The following TRMT1 variants were observed in gnomAD, a reference collection of about 807,000 sequenced individuals.
The protein encoded by TRMT1 is tRNA methyltransferase 1.
In TRMT1, 63 loss-of-function variants were observed where a neutral mutation model predicts 75.4. The ratio of observed to expected loss-of-function variants is 0.84; its 90% CI spans 0.68 to 1.03. TRMT1 has a LOEUF of 1.03. Among genes scored for constraint, TRMT1 ranks in the 50% least tolerant of loss-of-function variants. The pLI, the probability that TRMT1 is intolerant of heterozygous loss-of-function variation, is 0.00. For missense variants in TRMT1, 870 were observed against 905.3 expected, an observed-to-expected ratio of 0.96 and a Z score of 0.50; for synonymous variants, 382 against 358.1, an observed-to-expected ratio of 1.07 and a Z score of -0.75.
At position 13,109,925 on chromosome 19, in the gene TRMT1, G is replaced by A. The variant is rs1282838955; in HGVS notation, c.1096C>T (p.Pro366Ser). The A allele has an allele frequency of 1.2e-6, 2 of 1,614,026 alleles. No homozygotes were observed. The highest frequency in any genetic ancestry group is 1.7e-6 in the Non-Finnish European group (2 of 1,180,000). The change falls in exon 9 of 17, where the codon CCC (proline) becomes TCC (serine). Residue 366 changes from proline to serine, a missense_variant. Physicochemically the swap from Pro to Ser is moderately conservative, Grantham distance 74 (BLOSUM62 -1). Coordinates refer to ENST00000357720, the MANE Select transcript of TRMT1 (RefSeq NM_001136035.4). ...LQRLGKASGV[P>S]SGRAKFSAAC... ...TTCCTCCCTGCTCACCGGCCGCTGGGGACTCCTGACGCTTTGCCGAGACGC... is the reference window on the plus strand; with the variant it reads ...TTCCTCCCTGCTCACCGGCCGCTGGAGACTCCTGACGCTTTGCCGAGACGC...
In TRMT1 at chr19:13,104,973, G is replaced by A. The variant is rs144546583; in HGVS notation, c.1942C>T (p.Pro648Ser). 9 of 1,613,856 alleles carry A rather than the reference G, an allele frequency of 5.6e-6. No homozygotes were observed. The highest frequency in any genetic ancestry group is 1.7e-5 in the Admixed American group (1 of 60,024). ...GGCCCAGCGGCAGCCCCAGGTCCAG[G>A]GGGGGTCTGGTTGGAGGTCTCTGGA... Reference protein sequence around the residue: ...DCPETSNQTPPGPGAAAGPGI... With the variant: ...DCPETSNQTPSGPGAAAGPGI... Residue 648 changes from proline to serine, a missense_variant, in exon 17 of 17, where the codon CCT becomes TCT. Coordinates refer to ENST00000357720, the MANE Select transcript of TRMT1 (RefSeq NM_001136035.4).
intron 7 of TRMT1, among the ~76,000 whole-genome samples, chr19:13,110,850 C>T (rs1022155632): frequency 3.3e-5 from 5 of 151,908 alleles, no homozygotes; most frequent in South Asian, 2.1e-4. Context: ...CTAGGGAGGC[C>T]GAGGCAGGAG....
At chr19:13,113,183 G>T (rs1184262453) in intron 5 of TRMT1, among the ~76,000 whole-genome samples, 172 bp from the exon 6 acceptor site, 2 of 151,896 alleles carry the variant, frequency 1.3e-5, no homozygotes, top group African/African-American at 4.8e-5. Context: ...TTTTTGAGTC[G>T]GAGTCTTGCT....
At chr19:13,107,197 C>T (rs376668765) in intron 14 of TRMT1, among the ~76,000 whole-genome samples, 14 of 151,388 alleles carry the variant, frequency 9.2e-5, no homozygotes, top group African/African-American at 2.9e-4. Flanking sequence ...TGCAATGGCG[C>T]GATCTAGACT....
At chr19:13,109,160 T>A (rs1005929291) in intron 12 of TRMT1, among the ~76,000 whole-genome samples, 4 of 150,860 alleles carry the variant, frequency 2.7e-5, no homozygotes, top group Non-Finnish European at 5.9e-5. Flanking sequence ...ACATATATAT[T>A]TATTTATTTA....
rs201757019 is a variant in TRMT1 at position 13,112,623 on chromosome 19, G to A, written c.870+82C>T. 12 of 1,368,024 alleles carry A rather than the reference G, an allele frequency of 8.8e-6. No individual in the cohort carries two copies. In the East Asian group the frequency reaches 2.5e-4, roughly 29 times the overall value. The allele number at this position is 1,368,024 out of a possible 1,614,324, so 84.7% of individuals were successfully genotyped here. On this transcript the variant is annotated intron_variant, in intron 7 of 16. Transcript: ENST00000357720. ...CTGGAGGAAGCTGAGCAGGTCTGAGGAGGGGGAAAGTGTATTGGGAAGGGA... is the reference window on the plus strand; with the variant it reads ...CTGGAGGAAGCTGAGCAGGTCTGAGAAGGGGGAAAGTGTATTGGGAAGGGA...
At position 13,110,323 on chromosome 19, in the gene TRMT1, G is replaced by A. The variant is rs895397652; in HGVS notation, c.871-17C>T. ...TCTCAGGGCCTGGGGGTGGGGGGTGGGTGTCAGCCTCCCCTCCACTATCCA... is the reference window on the plus strand; with the variant it reads ...TCTCAGGGCCTGGGGGTGGGGGGTGAGTGTCAGCCTCCCCTCCACTATCCA... On this transcript the variant is annotated splice_polypyrimidine_tract_variant and intron_variant, in intron 7 of 16. Coordinates refer to ENST00000357720, the MANE Select transcript of TRMT1 (RefSeq NM_001136035.4). 6.7e-6 allele frequency: 5 copies of A among 746,098 alleles called. No homozygotes were observed. Among genetic ancestry groups the A allele is most frequent in the Non-Finnish European group, 1.2e-5 (5 of 427,202 alleles). 46.2% of individuals were successfully genotyped at this position (746,098 alleles called of 1,614,324 possible).
Position 13,110,003 on chromosome 19 carries a change from T to C in TRMT1, c.1020-2A>G. 2 of 1,613,202 alleles carry C rather than the reference T, an allele frequency of 1.2e-6. No individual in the cohort carries two copies. ...CACTGGAACACCAGCGCCTGCTTGC[T>C]GTGGGGGGTACCAGTGGCCACGAGT... On this transcript the variant is annotated splice_acceptor_variant, in intron 8 of 16. Transcript: ENST00000357720. LOFTEE classifies it high-confidence loss of function.
At chr19:13,112,680 G>A (rs2145592079) in intron 7 of TRMT1, 25 bp downstream of exon 7, 3 of 1,602,494 alleles carry the variant, frequency 1.9e-6, no homozygotes, top group East Asian at 2.2e-5. Context: ...CGGTCTCCCT[G>A]GCTGGCTGGC....
chr19:13,105,716 C>T, intron 14 of TRMT1, 110 bp from the exon 15 acceptor site: 4 of 1,121,094 alleles, frequency 3.6e-6, no homozygotes, highest in South Asian at 3.1e-5. Context: ...GGTGTCTGCT[C>T]ATGTCAGGAT....
rs1250217644 is a variant in TRMT1, at chr19:13,105,619, G to A, written c.1584-13C>T. The A allele has an allele frequency of 3.1e-6, 5 of 1,609,334 alleles. No individual in the cohort carries two copies. Among genetic ancestry groups the A allele is most frequent in the Admixed American group, 3.3e-5 (2 of 59,710 alleles). On this transcript the variant is annotated splice_polypyrimidine_tract_variant and intron_variant, in intron 14 of 16. Transcript: ENST00000357720. ...GTTGGCCTGCAGCCTAGGGAAGCAG[G>A]GGTGGGGCGTTGGGGCTGGGGGAAG...
chr19:13,110,468 T>G (rs889307941), intron 7 of TRMT1, among the ~76,000 whole-genome samples, 162 bp from the exon 8 acceptor site: 1 of 152,210 alleles, frequency 6.6e-6, no homozygotes, highest in Non-Finnish European at 1.5e-5. Flanking sequence ...GAGTATCCCC[T>G]CTCTGTGCCT....
At chr19:13,114,601 G>A (rs1017116069) in intron 5 of TRMT1, among the ~76,000 whole-genome samples, 1 of 152,308 alleles carries the variant, frequency 6.6e-6, no homozygotes, top group Non-Finnish European at 1.5e-5. Context: ...GGCGGAGGTT[G>A]CAGTGAGCCA....
chr19:13,110,022 C>T, intron 8 of TRMT1, 21 bp from the exon 9 acceptor site: 1 of 1,612,674 alleles, frequency 6.2e-7, no homozygotes, highest in South Asian at 1.1e-5. Flanking sequence ...TACCAGTGGC[C>T]ACGAGTTCCC....
chr19:13,114,599 T>C (rs2019262783), intron 5 of TRMT1, among the ~76,000 whole-genome samples: 1 of 151,980 alleles, frequency 6.6e-6, no homozygotes, highest in South Asian at 2.1e-4. Context: ...GAGGCGGAGG[T>C]TGCAGTGAGC....
intron 14 of TRMT1, among the ~76,000 whole-genome samples, chr19:13,107,300 C>T (rs2018918307): frequency 6.6e-6 from 1 of 151,820 alleles, no homozygotes; most frequent in African/African-American, 2.4e-5. Context: ...ACACCATGCC[C>T]AGCTAATTTT....
At chr19:13,112,676 C>T in intron 7 of TRMT1, 29 bp downstream of exon 7, 2 of 1,601,358 alleles carry the variant, frequency 1.2e-6, no homozygotes, top group Middle Eastern at 1.7e-4. Flanking sequence ...CCCCCGGTCT[C>T]CCTGGCTGGC....
At chr19:13,106,980 C>T (rs868776651) in intron 14 of TRMT1, among the ~76,000 whole-genome samples, 81 of 149,300 alleles carry the variant, frequency 5.4e-4, no homozygotes, top group Non-Finnish European at 7.6e-4. Context: ...CCTGCCACCA[C>T]GCCCGGCTAA....
At chr19:13,110,448 C>T (rs933472354) in intron 7 of TRMT1, 142 bp from the exon 8 acceptor site, 2 of 957,262 alleles carry the variant, frequency 2.1e-6, no homozygotes, top group Non-Finnish European at 3.0e-6. Flanking sequence ...CTGTGGGACC[C>T]TCAACAAGTG....
Sources: allele counts gnomAD v4.1 joint callset (sites outside exome capture counted in the v4.1 genomes callset), GRCh38; gene constraint gnomAD v4.1.1; transcripts MANE v1.5; gene names NCBI Gene and HGNC (gene_info 2026-07-23, HGNC 2026-07-21).